The following LRFN5 variants were observed in gnomAD, a reference collection of about 807,000 sequenced individuals.
The protein encoded by LRFN5 is leucine-rich repeat and fibronectin type-III domain-containing protein 5.
In LRFN5, 24 loss-of-function variants were observed where a neutral mutation model predicts 45.6. That is an observed-to-expected ratio of 0.53 (90% confidence interval 0.38 to 0.74). The LOEUF is 0.74. Ranked by LOEUF, LRFN5 falls within the 30% of genes least tolerant of loss-of-function variation. The pLI is 0.00. For missense variants in LRFN5, 776 were observed against 861.5 expected (o/e 0.90, Z 1.24); for synonymous variants, 340 against 313.8 (o/e 1.08, Z -0.88).
intron 2 of LRFN5, among the ~76,000 whole-genome samples, chr14:41,798,552 A>G (rs533835816): frequency 1.3e-5 from 2 of 152,100 alleles, no homozygotes; most frequent in African/African-American, 4.8e-5. Context: ...AAGACTAGCA[A>G]TTTCCTAATG....
chr14:41,724,345 G>C (rs181158649), intron 1 of LRFN5, among the ~76,000 whole-genome samples: 113 of 152,230 alleles, frequency 7.4e-4, no homozygotes, highest in East Asian at 1.7e-3. Flanking sequence ...CACAGTTAGC[G>C]TGACTGAAAG....
chr14:41,647,015 G>T (rs1306851881), intron 1 of LRFN5, among the ~76,000 whole-genome samples: 1 of 152,114 alleles, frequency 6.6e-6, no homozygotes, highest in Non-Finnish European at 1.5e-5. Context: ...GTAAAATTTG[G>T]TGAAAAATTT....
At chr14:41,742,708 G>A in intron 1 of LRFN5, 1 of 92,338 alleles carries the variant, frequency 1.1e-5, no homozygotes, top group Non-Finnish European at 2.2e-5. Context: ...AGCCAGGTGT[G>A]TGTAGCGCAC....
chr14:41,653,043 C>T (rs1187517622), intron 1 of LRFN5, among the ~76,000 whole-genome samples: 1 of 151,870 alleles, frequency 6.6e-6, no homozygotes, highest in Non-Finnish European at 1.5e-5. Context: ...GTTTAAGTTC[C>T]TTGTAGATGC....
chr14:41,862,073 GTAAGACGTGCCATGCT>G (rs1889684247), intron 2 of LRFN5, among the ~76,000 whole-genome samples: 1 of 152,160 alleles, frequency 6.6e-6, no homozygotes, highest in Non-Finnish European at 1.5e-5. Context: ...CTATTGTCAT[GTAAGACGTGCCATGCT>G]TTACCTTCCA....
At chr14:41,627,450 A>C (rs1888373267) in intron 1 of LRFN5, among the ~76,000 whole-genome samples, 1 of 152,120 alleles carries the variant, frequency 6.6e-6, no homozygotes, top group South Asian at 2.1e-4. Context: ...CATTTTTTGA[A>C]GCATTCCTCT....
intron 2 of LRFN5, among the ~76,000 whole-genome samples, chr14:41,844,228 G>C (rs933849887): frequency 6.6e-6 from 1 of 152,096 alleles, no homozygotes; most frequent in East Asian, 1.9e-4. Flanking sequence ...ACGAGGTCAG[G>C]AGATCGAGAC....
At chr14:41,659,171 T>A (rs779708266) in intron 1 of LRFN5, among the ~76,000 whole-genome samples, 3 of 152,014 alleles carry the variant, frequency 2.0e-5, no homozygotes, top group Non-Finnish European at 4.4e-5. Flanking sequence ...TCATCTACAT[T>A]AGGTATTTCT....
chr14:41,766,219 A>G (rs1885878711), intron 1 of LRFN5, among the ~76,000 whole-genome samples: 1 of 152,206 alleles, frequency 6.6e-6, no homozygotes, highest in African/African-American at 2.4e-5. Flanking sequence ...TAGGAAAGAA[A>G]GTTAAGTATT....
chr14:41,708,132 C>T (rs2138740164), intron 1 of LRFN5, among the ~76,000 whole-genome samples: 1 of 151,792 alleles, frequency 6.6e-6, no homozygotes, highest in South Asian at 2.1e-4. Context: ...GTACTTTTTC[C>T]ATATTCATAA....
intron 2 of LRFN5, among the ~76,000 whole-genome samples, chr14:41,769,765 TATC>T (rs1483432878): frequency 6.6e-6 from 1 of 152,178 alleles, no homozygotes; most frequent in Admixed American, 6.5e-5. Context: ...CTTAACTAGC[TATC>T]ATAATAATTG....
At chr14:41,781,998 A>G (rs1886545979) in intron 2 of LRFN5, among the ~76,000 whole-genome samples, 1 of 152,144 alleles carries the variant, frequency 6.6e-6, no homozygotes, top group African/African-American at 2.4e-5. Flanking sequence ...CTCTAAATGT[A>G]TGTTTCTTGG....
intron 1 of LRFN5, among the ~76,000 whole-genome samples, chr14:41,615,368 C>G (rs1189343694): frequency 6.6e-6 from 1 of 152,146 alleles, no homozygotes; most frequent in Non-Finnish European, 1.5e-5. Context: ...GATAGTACTT[C>G]TAGTGTTTGC....
intron 1 of LRFN5, among the ~76,000 whole-genome samples, chr14:41,732,794 T>A (rs1170325482): frequency 2.7e-5 from 4 of 146,754 alleles, no homozygotes; most frequent in Non-Finnish European, 4.5e-5. Context: ...AAAAAAAAAA[T>A]CTGTATTAAA....
At chr14:41,720,773 AATTT>A (rs1177475215) in intron 1 of LRFN5, among the ~76,000 whole-genome samples, 1 of 151,896 alleles carries the variant, frequency 6.6e-6, no homozygotes, top group Non-Finnish European at 1.5e-5. Context: ...ATTTTTTTTA[AATTT>A]ATTGAGACTT....
intron 2 of LRFN5, among the ~76,000 whole-genome samples, chr14:41,768,269 G>A (rs1018163806): frequency 2.0e-5 from 3 of 152,102 alleles, no homozygotes; most frequent in Non-Finnish European, 4.4e-5. Flanking sequence ...CCAGTATGTT[G>A]TTGCTAGTAT....
intron 1 of LRFN5, among the ~76,000 whole-genome samples, chr14:41,726,268 G>C (rs920010035): frequency 6.6e-6 from 1 of 152,036 alleles, no homozygotes; most frequent in Non-Finnish European, 1.5e-5. Flanking sequence ...GGGATCCAGG[G>C]AACTTTCATC....
intron 2 of LRFN5, among the ~76,000 whole-genome samples, chr14:41,880,444 A>G (rs1236068692): frequency 1.3e-5 from 2 of 152,020 alleles, no homozygotes; most frequent in African/African-American, 4.8e-5. Flanking sequence ...TCACCATAAC[A>G]ATTCAAATAC....
intron 1 of LRFN5, chr14:41,733,682 G>A (rs1048935342): frequency 3.3e-5 from 5 of 151,926 alleles, no homozygotes; most frequent in Admixed American, 6.6e-5. Context: ...TTTAATAATT[G>A]TAACTCCACT....
Sources: gnomAD v4.1 joint callset for allele counts (sites outside exome capture counted in the v4.1 genomes callset) on GRCh38, gnomAD v4.1.1 for gene constraint, MANE v1.5 for transcripts, NCBI Gene and HGNC (gene_info 2026-07-23, HGNC 2026-07-21) for gene names.